RYR1: variants seen among roughly 807,000 people sequenced by gnomAD.
RYR1 encodes ryanodine receptor 1.
A neutral mutation model predicts 583.5 loss-of-function variants in RYR1; 342 were observed. The observed-to-expected ratio is 0.59, with a 90% CI of 0.54 to 0.64. RYR1 has a LOEUF of 0.64. RYR1 is among the 30% of genes least tolerant of loss of function. RYR1 has a pLI of 0.00. For synonymous variants in RYR1, 2,791 were observed against 2,822.5 expected, an observed-to-expected ratio of 0.99 and a Z score of 0.35; for missense variants, 6,032 against 6,917.2, an observed-to-expected ratio of 0.87 and a Z score of 4.54.
In RYR1 at chr19:38,450,238, C is replaced by T. The variant is rs574977877; in HGVS notation, c.1122+1425C>T. On this transcript the variant is annotated intron_variant, in intron 11 of 105. Transcript: ENST00000359596. ...GACAGTGGACAGGACCAGGAGGGGA[C>T]TGTGGAGTTGGGAAGAGTAGTAGAT... 2.2e-4 allele frequency among the ~76,000 whole-genome samples: 33 copies of T among 152,154 alleles called. 1 individual carries two copies. In the South Asian group the frequency reaches 6.2e-3, roughly 29 times the overall value.
At position 38,534,722 on chromosome 19, in the gene RYR1, G is replaced by C; in HGVS notation, c.11262G>C (p.Glu3754Asp). 1.2e-6 allele frequency: 2 copies of C among 1,613,806 alleles called. No individual in the cohort carries two copies. Among genetic ancestry groups the C allele is most frequent in the Non-Finnish European group, 8.5e-7 (1 of 1,179,900 alleles). ...AEEEVEVSFEEKQMEKQRLLY... is the reference protein window; with the variant it reads ...AEEEVEVSFEDKQMEKQRLLY... Reference sequence around the variant, plus strand: ...CATGTGTCTGCCTCCCTTCCCAGGAGAAACAGATGGAGAAGCAGAGGCTCT... The same window carrying C: ...CATGTGTCTGCCTCCCTTCCCAGGACAAACAGATGGAGAAGCAGAGGCTCT... The change falls in exon 79 of 106, where the codon GAG becomes GAC. Residue 3754 changes from glutamate to aspartate, a missense_variant and splice_region_variant. Glu to Asp is a conservative substitution (Grantham distance 45). Coordinates refer to ENST00000359596, the MANE Select transcript of RYR1 (RefSeq NM_000540.3).
intron 89 of RYR1, among the ~76,000 whole-genome samples, chr19:38,550,127 G>A (rs989442664): frequency 2.0e-5 from 3 of 152,024 alleles, no homozygotes; most frequent in African/African-American, 7.2e-5. Context: ...CCTAAGCACA[G>A]GACAATTATG....
intron 48 of RYR1, 74 bp from the exon 49 acceptor site, chr19:38,502,806 G>GGGGCAA: frequency 9.3e-7 from 1 of 1,073,696 alleles, no homozygotes; most frequent in South Asian, 1.8e-5. Context: ...GGCAGGGGCA[G>GGGGCAA]GGGGAGGAGC....
rs34239565 is a variant in RYR1, at chr19:38,559,228, CTTTTTT to C, written c.12283-1867_12283-1862del. Among the ~76,000 whole-genome samples, 141 of 101,304 alleles carry C rather than the reference CTTTTTT, an allele frequency of 1.4e-3. 3 individuals are homozygous for C. The South Asian group carries it at 0.04, about 29-fold the overall frequency. 66.5% of individuals were successfully genotyped at this position (101,304 alleles called of 152,430 possible). ...CAGGCGCCTGTGGAGAGGTGGGCTTCTTTTTTTTTTTTTTTTTTTTTTTGAGACAGG... is the reference window on the plus strand; with the variant it reads ...CAGGCGCCTGTGGAGAGGTGGGCTTCTTTTTTTTTTTTTTTTTGAGACAGG... On this transcript the variant is annotated intron_variant, in intron 89 of 105. Transcript: ENST00000359596.
chr19:38,444,245 C>T lies in RYR1; in HGVS notation c.521C>T (p.Ser174Phe). The T allele has an allele frequency of 6.2e-7, 1 of 1,613,676 alleles. No individual in the cohort carries two copies. Among genetic ancestry groups the T allele is most frequent in the South Asian group, 1.1e-5 (1 of 91,058 alleles). Reference protein sequence around the residue: ...VGDDIILVSVSSERYLHLSTA... With the variant: ...VGDDIILVSVFSERYLHLSTA... Reference sequence around the variant, plus strand: ...GATGACATCATCCTTGTCAGTGTCTCCTCCGAGCGCTACCTGGTGAGCCAT... The same window carrying T: ...GATGACATCATCCTTGTCAGTGTCTTCTCCGAGCGCTACCTGGTGAGCCAT... The change falls in exon 6 of 106, where the codon TCC becomes TTC. Residue 174 changes from serine to phenylalanine, a missense_variant. Physicochemically the swap from Ser to Phe is radical, Grantham distance 155. Around this residue, in one of 11 missense-constraint regions of RYR1, gnomAD observed 338 missense variants for 441.6 expected, o/e 0.77. Coordinates refer to ENST00000359596, the MANE Select transcript of RYR1 (RefSeq NM_000540.3). This position sits in a 1 kb window ranked among gnomAD's most constrained non-coding sequence, Gnocchi z 5.1.
chr19:38,476,143 C>T (rs1027328791), intron 29 of RYR1, among the ~76,000 whole-genome samples: 13 of 152,164 alleles, frequency 8.5e-5, no homozygotes, highest in African/African-American at 2.9e-4. Flanking sequence ...CTGCCTCAGC[C>T]TCCTGAGCAG....
At chr19:38,459,374 G>T (rs765045231) in intron 19 of RYR1, 36 bp downstream of exon 19, 15 of 1,600,342 alleles carry the variant, frequency 9.4e-6, no homozygotes, top group Non-Finnish European at 1.2e-5. Flanking sequence ...CCAGTCCTCA[G>T]ACCTAGGACT....
rs1973739136 is a variant in RYR1 at position 38,572,071 on chromosome 19, ATG to A, written c.13803_13804del (p.Ser4602ArgfsTer22). 1 of 1,613,944 alleles carries A rather than the reference ATG, an allele frequency of 6.2e-7. No homozygotes were observed. ...GACATGGAAGGCTCAGCTGCTGGGGATGTGTCAGGTGCAGGCTCTGGTGGCAG... is the reference window on the plus strand; with the variant it reads ...GACATGGAAGGCTCAGCTGCTGGGGATGTCAGGTGCAGGCTCTGGTGGCAG... On this transcript the variant is annotated frameshift_variant, in exon 95 of 106. Coordinates refer to ENST00000359596, the MANE Select transcript of RYR1 (RefSeq NM_000540.3). LOFTEE classifies it high-confidence loss of function.
chr19:38,492,955 A>G (rs1969625190), intron 38 of RYR1, among the ~76,000 whole-genome samples: 1 of 152,144 alleles, frequency 6.6e-6, no homozygotes, highest in African/African-American at 2.4e-5. Context: ...CTGTAATCCC[A>G]GCTACTTGGA....
intron 78 of RYR1, 62 bp from the exon 79 acceptor site, chr19:38,534,658 G>A: frequency 1.4e-6 from 2 of 1,428,502 alleles, no homozygotes; most frequent in Non-Finnish European, 9.8e-7. Context: ...GTGAGAATGT[G>A]AGGGGGAAAG....
intron 22 of RYR1, among the ~76,000 whole-genome samples, 177 bp from the exon 23 acceptor site, chr19:38,464,462 G>A (rs541321802): frequency 6.6e-5 from 10 of 152,048 alleles, no homozygotes; most frequent in South Asian, 6.2e-4. Context: ...CAGACAAGGC[G>A]CAGGGAAAGA....
At chr19:38,546,039 T>C (rs554947617) in intron 87 of RYR1, among the ~76,000 whole-genome samples, 1 of 152,208 alleles carries the variant, frequency 6.6e-6, no homozygotes, top group Non-Finnish European at 1.5e-5. Flanking sequence ...CCATCACACA[T>C]TATATTCAAC....
At chr19:38,519,974 G>A (rs1318073125) in intron 67 of RYR1, among the ~76,000 whole-genome samples, 1 of 151,940 alleles carries the variant, frequency 6.6e-6, no homozygotes, top group Admixed American at 6.6e-5. Flanking sequence ...AATGCAGCTG[G>A]CCAGTGTGAT....
intron 93 of RYR1, 105 bp downstream of exon 93, chr19:38,568,022 C>T (rs746221115): frequency 1.7e-5 from 23 of 1,362,328 alleles, no homozygotes; most frequent in Admixed American, 1.6e-4. Context: ...TGTTCAAGCT[C>T]GTCTCTAAGA....
At chr19:38,485,565 T>G (rs755441307) in intron 33 of RYR1, 25 bp from the exon 34 acceptor site, 1 of 1,606,186 alleles carries the variant, frequency 6.2e-7, no homozygotes. Flanking sequence ...CATCTGTCCC[T>G]GTCTGTTTCC....
chr19:38,446,652 G>C, intron 8 of RYR1, 42 bp from the exon 9 acceptor site: 1 of 1,605,988 alleles, frequency 6.2e-7, no homozygotes, highest in Non-Finnish European at 8.5e-7. Flanking sequence ...ACCAGATTCC[G>C]GGGAGCTGAA....
intron 69 of RYR1, 195 bp downstream of exon 69, chr19:38,523,504 C>CCCATCTCCCTCCTCCTCT: frequency 3.1e-6 from 2 of 645,634 alleles, no homozygotes; most frequent in Non-Finnish European, 5.5e-6. Flanking sequence ...TCTCCCTCCT[C>CCCATCTCCCTCCTCCTCT]CCATCTCCCT....
Position 38,455,282 on chromosome 19 carries a change from C to T in RYR1, c.1488C>T (p.Tyr496=), listed in dbSNP as rs773507163. The T allele has an allele frequency of 4.3e-6, 7 of 1,614,126 alleles. No individual in the cohort carries two copies. Among genetic ancestry groups the T allele is most frequent in the African/African-American group, 1.3e-5 (1 of 75,014 alleles). ...VLNCIDRLNV[Y]TTAAHFAEFA... is the part of the protein sequence containing the mutation. ...ATTGCATAGACCGCCTAAATGTCTA[C>T]ACCACTGCTGCCCACTTTGCTGAGT... Residue 496 remains tyrosine (Y), a synonymous_variant, in exon 14 of 106, where the codon TAC becomes TAT. Coordinates refer to ENST00000359596, the MANE Select transcript of RYR1 (RefSeq NM_000540.3).
chr19:38,545,477 C>T (rs1394609881), intron 87 of RYR1, among the ~76,000 whole-genome samples: 1 of 152,174 alleles, frequency 6.6e-6, no homozygotes, highest in African/African-American at 2.4e-5. Flanking sequence ...TATCTGGTAT[C>T]ATCTCCTCCC....
Sources: allele counts gnomAD v4.1 joint callset (sites outside exome capture counted in the v4.1 genomes callset), GRCh38; gene constraint gnomAD v4.1.1; regional missense constraint gnomAD v4.1.1; non-coding constraint Gnocchi (gnomAD v3.1); transcripts MANE v1.5; gene names NCBI Gene and HGNC (gene_info 2026-07-23, HGNC 2026-07-21).